The following ZBTB7C variants were observed in gnomAD, a reference collection of about 807,000 sequenced individuals.
ZBTB7C encodes zinc finger and BTB domain-containing protein 7C.
Under a neutral mutation model 25.7 loss-of-function variants are expected in ZBTB7C, and 8 were observed. The ratio of observed to expected loss-of-function variants is 0.31; its 90% CI spans 0.18 to 0.56. The LOEUF (loss-of-function observed/expected upper bound fraction) is 0.56, where lower values mean the gene tolerates loss of function less well. Among genes scored for constraint, ZBTB7C ranks in the 20% least tolerant of loss-of-function variants. The pLI is 0.91. For missense variants in ZBTB7C, 824 were observed against 855.2 expected, an observed-to-expected ratio of 0.96 and a Z score of 0.46; for synonymous variants, 394 against 369.0, an observed-to-expected ratio of 1.07 and a Z score of -0.78.
intron 2 of ZBTB7C, among the ~76,000 whole-genome samples, chr18:48,320,053 T>A (rs1394120896): frequency 2.7e-5 from 4 of 147,906 alleles, no homozygotes; most frequent in Admixed American, 2.0e-4. Context: ...TATCCAAGTG[T>A]GTTAGGAAGA....
chr18:48,393,096 A>G (rs531126530), intron 1 of ZBTB7C, among the ~76,000 whole-genome samples: 2 of 152,314 alleles, frequency 1.3e-5, no homozygotes, highest in Admixed American at 6.5e-5. Context: ...TTGATGTGAC[A>G]ATACCTTGGC....
intron 2 of ZBTB7C, among the ~76,000 whole-genome samples, chr18:48,323,925 G>C (rs1158158968): frequency 3.9e-5 from 6 of 152,082 alleles, no homozygotes; most frequent in Admixed American, 3.3e-4. Context: ...GATGGGATTA[G>C]GGCCTTTGGG....
chr18:48,254,615 T>C (rs1444303989), intron 2 of ZBTB7C, among the ~76,000 whole-genome samples: 2 of 152,188 alleles, frequency 1.3e-5, no homozygotes, highest in Admixed American at 1.3e-4. Flanking sequence ...ATGTCATTAA[T>C]CTTCTTGACA....
At chr18:48,047,778 C>A (rs544818280) in intron 3 of ZBTB7C, among the ~76,000 whole-genome samples, 1 of 152,330 alleles carries the variant, frequency 6.6e-6, no homozygotes, top group African/African-American at 2.4e-5. Flanking sequence ...ATAATAGCTA[C>A]CATTTATTGA....
chr18:48,063,367 C>T (rs1330275688), intron 3 of ZBTB7C, among the ~76,000 whole-genome samples: 1 of 152,234 alleles, frequency 6.6e-6, no homozygotes, highest in Non-Finnish European at 1.5e-5. Flanking sequence ...GGAAGAGTTC[C>T]TGCTGTCACC....
chr18:48,325,488 C>A (rs1430510936), intron 2 of ZBTB7C, among the ~76,000 whole-genome samples: 2 of 152,200 alleles, frequency 1.3e-5, no homozygotes, highest in African/African-American at 4.8e-5. Flanking sequence ...AAGGCTTTCA[C>A]AAATCTGCAG....
chr18:48,309,931 C>T (rs2045772192), intron 2 of ZBTB7C, among the ~76,000 whole-genome samples: 1 of 152,142 alleles, frequency 6.6e-6, no homozygotes, highest in African/African-American at 2.4e-5. Context: ...ATAGTGAGCC[C>T]TCAAAAATTG....
intron 2 of ZBTB7C, among the ~76,000 whole-genome samples, chr18:48,230,331 C>G (rs2043218684): frequency 6.6e-6 from 1 of 152,170 alleles, no homozygotes; most frequent in South Asian, 2.1e-4. Context: ...CTGAAAGCAA[C>G]CCAGTGGGAA....
At chr18:48,123,409 C>T (rs1202735638) in intron 3 of ZBTB7C, among the ~76,000 whole-genome samples, 3 of 152,248 alleles carry the variant, frequency 2.0e-5, no homozygotes, top group Admixed American at 6.5e-5. Flanking sequence ...CCCAAAGTCA[C>T]GCCTTCCAAG....
intron 2 of ZBTB7C, among the ~76,000 whole-genome samples, chr18:48,232,395 C>A (rs1166580497): frequency 6.6e-6 from 1 of 152,126 alleles, no homozygotes; most frequent in Non-Finnish European, 1.5e-5. Context: ...TTTAAGCCAC[C>A]TACTTTGTCA....
intron 2 of ZBTB7C, among the ~76,000 whole-genome samples, chr18:48,232,052 C>T (rs867195222): frequency 2.0e-5 from 3 of 152,206 alleles, no homozygotes; most frequent in Non-Finnish European, 2.9e-5. Context: ...CCTTGGCAGG[C>T]GTGGGATCCA....
chr18:48,318,929 GTA>G (rs1180521829), intron 2 of ZBTB7C, among the ~76,000 whole-genome samples: 12 of 152,322 alleles, frequency 7.9e-5, no homozygotes, highest in African/African-American at 2.9e-4. Context: ...GCCTGCTGGA[GTA>G]GGTTCTGAGC....
chr18:48,108,197 T>C (rs2039102443), intron 3 of ZBTB7C, among the ~76,000 whole-genome samples: 1 of 152,210 alleles, frequency 6.6e-6, no homozygotes, highest in South Asian at 2.1e-4. Context: ...GGGACAGGAC[T>C]TGCCCACAGT....
chr18:48,328,813 A>G (rs2046283231), intron 2 of ZBTB7C, among the ~76,000 whole-genome samples: 1 of 152,138 alleles, frequency 6.6e-6, no homozygotes. Flanking sequence ...CCCCCGCCCC[A>G]CAAAAAAAAA....
intron 2 of ZBTB7C, among the ~76,000 whole-genome samples, chr18:48,214,642 C>G (rs1161449158): frequency 6.6e-6 from 1 of 152,182 alleles, no homozygotes; most frequent in South Asian, 2.1e-4. Context: ...CCCTTTTATT[C>G]CTTTACTTTC....
rs143530844 is a variant in ZBTB7C at position 48,398,980 on chromosome 18, T to C, written c.-304+10246A>G. On this transcript the variant is annotated intron_variant, in intron 1 of 4. Coordinates refer to ENST00000590800, the MANE Select transcript of ZBTB7C (RefSeq NM_001318841.2). ...TCAGAAAAATCAAGGATCCCTTTCA[T>C]ACAAAAATCACTGGGTATTGTATCA... 3.3e-3 allele frequency among the ~76,000 whole-genome samples: 496 copies of C among 152,326 alleles called. 3 individuals carry two copies. Among genetic ancestry groups the C allele is most frequent in the African/African-American group, 0.011 (477 of 41,582 alleles).
intron 3 of ZBTB7C, among the ~76,000 whole-genome samples, chr18:48,115,540 A>G (rs1380744133): frequency 6.6e-6 from 1 of 152,126 alleles, no homozygotes; most frequent in African/African-American, 2.4e-5. Context: ...GCCCGGCCTT[A>G]TGAGTGACCT....
At chr18:48,067,309 C>A (rs2037369082) in intron 3 of ZBTB7C, among the ~76,000 whole-genome samples, 1 of 152,096 alleles carries the variant, frequency 6.6e-6, no homozygotes, top group Non-Finnish European at 1.5e-5. Flanking sequence ...ACGGAGGAAC[C>A]AGCTATGAAA....
At chr18:48,168,087 G>A (rs895322607) in intron 3 of ZBTB7C, among the ~76,000 whole-genome samples, 3 of 152,172 alleles carry the variant, frequency 2.0e-5, no homozygotes, top group Non-Finnish European at 2.9e-5. Context: ...GTCAATATTC[G>A]CTTCACTGAG....
Sources: allele counts gnomAD v4.1 joint callset (sites outside exome capture counted in the v4.1 genomes callset), GRCh38; gene constraint gnomAD v4.1.1; transcripts MANE v1.5; gene names NCBI Gene and HGNC (gene_info 2026-07-23, HGNC 2026-07-21).